Variants in SEMA5A observed in about 807,000 individuals in gnomAD.
SEMA5A encodes semaphorin 5A, also known as semaphorin-5A.
Under a neutral mutation model 135.5 loss-of-function variants are expected in SEMA5A, and 55 were observed. The observed-to-expected ratio is 0.41, with a 90% confidence interval of 0.33 to 0.51. The LOEUF is 0.51. Among genes scored for constraint, SEMA5A ranks in the 20% least tolerant of loss-of-function variants. The pLI is 0.37. For synonymous variants in SEMA5A, 580 were observed against 546.5 expected (o/e 1.06, Z -0.85); for missense variants, 1,290 against 1,419.9 (o/e 0.91, Z 1.47).
intron 5 of SEMA5A, among the ~76,000 whole-genome samples, chr5:9,257,154 G>T (rs1749114902): frequency 6.6e-6 from 1 of 152,328 alleles, no homozygotes; most frequent in East Asian, 1.9e-4. Flanking sequence ...GCTTAACTGG[G>T]GCGGTGGGAG....
intron 1 of SEMA5A, among the ~76,000 whole-genome samples, chr5:9,518,811 G>A (rs1736663441): frequency 6.6e-6 from 1 of 152,044 alleles, no homozygotes; most frequent in South Asian, 2.1e-4. Flanking sequence ...ACTCAAAACA[G>A]AAGAGAGTAA....
At position 9,224,823 on chromosome 5, in the gene SEMA5A, T is replaced by C. The variant is rs750068705; in HGVS notation, c.497A>G (p.Gln166Arg). 3.1e-6 allele frequency: 5 copies of C among 1,613,906 alleles called. No homozygotes were observed. Among genetic ancestry groups the C allele is most frequent in the East Asian group, 4.5e-5 (2 of 44,884 alleles). Residue 166 changes from glutamine (Q) to arginine (R), a missense_variant, in exon 8 of 23, where the codon CAG becomes CGG. This residue lies in a region of SEMA5A where 145 missense variants were observed against 212.0 expected (regional missense o/e 0.68). Transcript: ENST00000382496. ...TGTGAGGAGCGCTGTGGAATTGTGC[T>C]GGGGACTGTAGGGACAGCGGGCCAT... ...SGMARCPYSP[Q>R]HNSTALLTAG...
At chr5:9,112,165 A>G (rs942716340) in intron 15 of SEMA5A, among the ~76,000 whole-genome samples, 2 of 152,190 alleles carry the variant, frequency 1.3e-5, no homozygotes, top group African/African-American at 4.8e-5. Context: ...TTTGCCCATG[A>G]CTGCTTATTC....
chr5:9,156,474 T>G (rs1002648444), intron 11 of SEMA5A, among the ~76,000 whole-genome samples: 25 of 152,138 alleles, frequency 1.6e-4, no homozygotes, highest in African/African-American at 6.0e-4. Flanking sequence ...TGTGGAGCAG[T>G]GATGGGCATA....
intron 3 of SEMA5A, among the ~76,000 whole-genome samples, chr5:9,339,007 G>A (rs1322899589): frequency 6.6e-6 from 1 of 152,088 alleles, no homozygotes; most frequent in East Asian, 1.9e-4. Context: ...GAAACCAGGG[G>A]TGAGTCATAT....
rs151247593 is a variant in SEMA5A at position 9,377,085 on chromosome 5, T to C, written c.124+2738A>G. Among the ~76,000 whole-genome samples, 1,320 of 143,862 alleles carry C rather than the reference T, an allele frequency of 9.2e-3. 11 individuals are homozygous for C. Among genetic ancestry groups the C allele is most frequent in the Admixed American group, 0.015 (206 of 13,900 alleles). 94.4% of individuals were successfully genotyped at this position (143,862 alleles called of 152,430 possible). On this transcript the variant is annotated intron_variant, in intron 3 of 22. Coordinates refer to ENST00000382496, the MANE Select transcript of SEMA5A (RefSeq NM_003966.3). The stretch of plus-strand genomic sequence containing the variant: ...TTTGATTAGGTTAGGGCTCATCACA[T>C]AGTGGAAGCTATGTAGCTACCGAAA...
intron 11 of SEMA5A, among the ~76,000 whole-genome samples, chr5:9,155,637 A>G (rs1742912656): frequency 6.6e-6 from 1 of 152,212 alleles, no homozygotes; most frequent in Non-Finnish European, 1.5e-5. Flanking sequence ...CCGAGTTTCA[A>G]AACATCATGG....
chr5:9,258,803 CTTTTTTTTTTTTTT>C (rs748703578), intron 5 of SEMA5A, among the ~76,000 whole-genome samples: 3 of 48,990 alleles, frequency 6.1e-5, no homozygotes, highest in Admixed American at 3.7e-4. Context: ...TTCTTTCTTT[CTTTTTTTTTTTTTT>C]TTTTTTTTTT....
At chr5:9,149,652 A>G (rs1023986818) in intron 12 of SEMA5A, among the ~76,000 whole-genome samples, 2 of 152,184 alleles carry the variant, frequency 1.3e-5, no homozygotes, top group African/African-American at 4.8e-5. Flanking sequence ...CAAAAACAAA[A>G]CAAAACAGAA....
chr5:9,313,360 C>A (rs1752230480), intron 5 of SEMA5A, among the ~76,000 whole-genome samples: 1 of 152,094 alleles, frequency 6.6e-6, no homozygotes, highest in African/African-American at 2.4e-5. Context: ...GATGTCTCTT[C>A]TGAAAGCATT....
chr5:9,526,089 A>G (rs1417047550), intron 1 of SEMA5A, among the ~76,000 whole-genome samples: 3 of 152,248 alleles, frequency 2.0e-5, no homozygotes, highest in Non-Finnish European at 2.9e-5. Flanking sequence ...CTTCATTAAT[A>G]GGCCACACAT....
At chr5:9,354,239 G>C (rs942360556) in intron 3 of SEMA5A, among the ~76,000 whole-genome samples, 1 of 152,122 alleles carries the variant, frequency 6.6e-6, no homozygotes, top group Admixed American at 6.5e-5. Context: ...CATAAGCCAG[G>C]GGGTATAATA....
At chr5:9,159,719 A>T (rs2526119) in intron 11 of SEMA5A, among the ~76,000 whole-genome samples, 83,747 of 152,044 alleles carry the variant, frequency 0.55, 25,815 homozygotes, top group Middle Eastern at 0.76. Context: ...CTCAAAGGAA[A>T]ATAAATCATT....
chr5:9,163,593 C>T (rs115955886), intron 11 of SEMA5A, among the ~76,000 whole-genome samples: 198 of 152,244 alleles, frequency 1.3e-3, no homozygotes, highest in African/African-American at 4.6e-3. Flanking sequence ...AAGATAGAGT[C>T]TGTTATGAGC....
chr5:9,438,758 A>C (rs943456066), intron 1 of SEMA5A, among the ~76,000 whole-genome samples: 1 of 152,208 alleles, frequency 6.6e-6, no homozygotes, highest in Non-Finnish European at 1.5e-5. Context: ...ACCCTGAAGA[A>C]GGGAAAATGG....
At chr5:9,194,209 G>T (rs1745267034) in intron 10 of SEMA5A, among the ~76,000 whole-genome samples, 1 of 152,148 alleles carries the variant, frequency 6.6e-6, no homozygotes, top group South Asian at 2.1e-4. Context: ...ACAGGGCAGG[G>T]CTCTGAAGCA....
In SEMA5A at chr5:9,389,672, T is replaced by C. The variant is rs140387764; in HGVS notation, c.-77-9649A>G. Among the ~76,000 whole-genome samples, 349 of 151,914 alleles carry C rather than the reference T, an allele frequency of 2.3e-3. 4 individuals are homozygous for C. The highest frequency in any genetic ancestry group is 5.1e-3 in the Admixed American group (78 of 15,304). On this transcript the variant is annotated intron_variant, in intron 2 of 22. Coordinates refer to ENST00000382496, the MANE Select transcript of SEMA5A (RefSeq NM_003966.3). Reference sequence around the variant, plus strand: ...GGAATCCATGCCCTCCTCTCTGTCCTGACCAACCTCCTGTATTTCTTACCT... The same window carrying C: ...GGAATCCATGCCCTCCTCTCTGTCCCGACCAACCTCCTGTATTTCTTACCT...
At chr5:9,363,362 G>C (rs967648836) in intron 3 of SEMA5A, 2 of 151,970 alleles carry the variant, frequency 1.3e-5, no homozygotes, top group African/African-American at 4.8e-5. Context: ...AGGCAGATGT[G>C]GCCACATACT....
chr5:9,470,642 C>T (rs1049350331), intron 1 of SEMA5A, among the ~76,000 whole-genome samples: 2 of 152,160 alleles, frequency 1.3e-5, no homozygotes, highest in African/African-American at 2.4e-5. Context: ...TAGAAGGAAA[C>T]CATGCCTCCT....
Sources: allele counts gnomAD v4.1 joint callset (sites outside exome capture counted in the v4.1 genomes callset), GRCh38; gene constraint gnomAD v4.1.1; regional missense constraint gnomAD v4.1.1; transcripts MANE v1.5; gene names NCBI Gene and HGNC (gene_info 2026-07-23, HGNC 2026-07-21).